The following TLCD4 variants were observed in gnomAD, a reference collection of about 807,000 sequenced individuals.
The protein encoded by TLCD4 is TLC domain-containing protein 4.
A neutral mutation model predicts 24.2 loss-of-function variants in TLCD4; 7 were observed. The ratio of observed to expected loss-of-function variants is 0.29; its 90% CI spans 0.16 to 0.54. TLCD4 has a LOEUF of 0.54. Ranked by LOEUF, TLCD4 falls within the 20% of genes least tolerant of loss-of-function variation. The probability of loss-of-function intolerance (pLI) is 0.95; values close to 1 mark genes in which losing one functional copy is unlikely to be tolerated. For missense variants in TLCD4, 259 were observed against 313.9 expected (o/e 0.82, Z 1.32); for synonymous variants, 103 against 106.4 (o/e 0.97, Z 0.20).
Position 95,150,276 on chromosome 1 carries a change from A to T in TLCD4, c.304+10A>T. ...GGCTACCTCATTTCTGGTATGTGAG[A>T]TGTTGTTTTATTGTCTAATTCCTTG... On this transcript the variant is annotated intron_variant, in intron 4 of 6. Transcript: ENST00000370203. The T allele has an allele frequency of 6.2e-7, 1 of 1,609,212 alleles. No homozygotes were observed.
At chr1:95,186,187 C>T (rs757749743) in intron 6 of TLCD4, among the ~76,000 whole-genome samples, 1 of 152,132 alleles carries the variant, frequency 6.6e-6, no homozygotes, top group Non-Finnish European at 1.5e-5. Context: ...GAGGTACTAT[C>T]ATTTATCCCC....
intron 5 of TLCD4, among the ~76,000 whole-genome samples, chr1:95,172,072 C>G (rs1678249538): frequency 6.6e-6 from 1 of 152,178 alleles, no homozygotes; most frequent in Admixed American, 6.5e-5. Flanking sequence ...CAGATTCTTC[C>G]CTAGTTGCCT....
intron 1 of TLCD4, among the ~76,000 whole-genome samples, chr1:95,137,557 G>T: frequency 6.6e-6 from 1 of 152,132 alleles, no homozygotes; most frequent in Non-Finnish European, 1.5e-5. Context: ...GTGAGTGATC[G>T]TGTTTTGGTG....
the TLCD4 span, among the ~76,000 whole-genome samples, chr1:95,107,030 G>T: frequency 1.3e-5 from 2 of 152,168 alleles, no homozygotes; most frequent in South Asian, 4.1e-4. Context: ...TAACACCATT[G>T]CAGGAATGAT....
chr1:95,120,101 G>A (rs1207550298), intron 1 of TLCD4: 1 of 152,202 alleles, frequency 6.6e-6, no homozygotes, highest in Non-Finnish European at 1.5e-5. Flanking sequence ...CAGTCACCCT[G>A]TTGTGCTTTT....
the TLCD4 span, among the ~76,000 whole-genome samples, chr1:95,109,042 T>G: frequency 8.2e-3 from 1,246 of 152,216 alleles, 9 homozygotes; most frequent in African/African-American, 0.019. Context: ...CATTTAAAAA[T>G]TAGGGGCACG....
At chr1:95,097,366 C>T in the TLCD4 span, among the ~76,000 whole-genome samples, 1 of 152,210 alleles carries the variant, frequency 6.6e-6, no homozygotes, top group East Asian at 1.9e-4. Flanking sequence ...GTTCTCTAGG[C>T]ACACCATCTA....
chr1:95,194,740 T>C lies in TLCD4; in HGVS notation c.*2872T>C, dbSNP rs1250024158. 1 of 152,146 alleles carries C rather than the reference T, an allele frequency of 6.6e-6. No homozygotes were observed. Among genetic ancestry groups the C allele is most frequent in the Non-Finnish European group, 1.5e-5 (1 of 68,002 alleles). 9.4% of individuals were successfully genotyped at this position (152,146 alleles called of 1,614,324 possible). ...AACCAACTAATAGCATGCAAGATCA[T>C]AGATCCTGCATTAAATTTTTATTTG... On this transcript the variant is annotated 3_prime_UTR_variant, in exon 7 of 7. Coordinates refer to ENST00000370203, the MANE Select transcript of TLCD4 (RefSeq NM_152487.3).
chr1:95,154,113 G>A (rs1284695242), intron 5 of TLCD4, among the ~76,000 whole-genome samples: 1 of 152,114 alleles, frequency 6.6e-6, no homozygotes, highest in African/African-American at 2.4e-5. Flanking sequence ...TAATCTTTAA[G>A]GTTCTATTCT....
At chr1:95,178,707 G>T (rs1557696264) in intron 6 of TLCD4, among the ~76,000 whole-genome samples, 1 of 151,584 alleles carries the variant, frequency 6.6e-6, no homozygotes, top group East Asian at 1.9e-4. Flanking sequence ...TTTGGAATCG[G>T]ATAAACTCAA....
Position 95,148,772 on chromosome 1 carries a change from A to T in TLCD4, c.226A>T (p.Thr76Ser), listed in dbSNP as rs1051855671. The change falls in exon 3 of 7, where the codon ACT (threonine) becomes TCT (serine). Residue 76 changes from threonine (T) to serine (S), a missense_variant. Physicochemically the swap from Thr to Ser is moderately conservative, Grantham distance 58. Transcript: ENST00000370203. ...GLYIFLFDEA[T>S]KADPLWGGPS... The stretch of plus-strand genomic sequence containing the variant: ...GTACATTTTCTTATTCGATGAGGCT[A>T]CTAAAGCTGATCCACTTTGGTAAGC... 6 of 1,613,620 alleles carry T rather than the reference A, an allele frequency of 3.7e-6. No homozygotes were observed. Among genetic ancestry groups the T allele is most frequent in the South Asian group, 1.1e-5 (1 of 91,004 alleles).
At chr1:95,132,024 A>G (rs375181783) in intron 1 of TLCD4, among the ~76,000 whole-genome samples, 1 of 152,184 alleles carries the variant, frequency 6.6e-6, no homozygotes, top group African/African-American at 2.4e-5. Flanking sequence ...CTCTTTACAC[A>G]TACCTGCTTC....
rs1387605698 is a variant in TLCD4 at position 95,121,873 on chromosome 1, G to A, written c.-12+4256G>A. 2.0e-5 allele frequency among the ~76,000 whole-genome samples: 3 copies of A among 152,190 alleles called. No individual in the cohort carries two copies. The South Asian group carries it at 6.2e-4, about 32-fold the overall frequency. On this transcript the variant is annotated intron_variant, in intron 1 of 6. Transcript: ENST00000370203. ...TCCAATCATCATTTGTAGCCTTTGG[G>A]GGTCATCTAAACAGCTTCTTGGAGA...
intron 1 of TLCD4, among the ~76,000 whole-genome samples, chr1:95,130,303 C>T (rs1444526671): frequency 2.7e-5 from 4 of 148,778 alleles, no homozygotes; most frequent in African/African-American, 9.8e-5. Context: ...CAGGCACGTG[C>T]CTCCATACCC....
At chr1:95,107,985 G>A in the TLCD4 span, among the ~76,000 whole-genome samples, 1 of 152,122 alleles carries the variant, frequency 6.6e-6, no homozygotes, top group Non-Finnish European at 1.5e-5. Flanking sequence ...ATATGTTTAT[G>A]GGATGAGGTT....
At chr1:95,125,595 A>G (rs1009507518) in intron 1 of TLCD4, 6 of 152,214 alleles carry the variant, frequency 3.9e-5, no homozygotes, top group African/African-American at 1.2e-4. Flanking sequence ...ACAACTCACT[A>G]CCTTCAGACT....
At chr1:95,137,900 C>A (rs1677093165) in intron 1 of TLCD4, among the ~76,000 whole-genome samples, 3 of 152,012 alleles carry the variant, frequency 2.0e-5, no homozygotes, top group African/African-American at 4.8e-5. Context: ...CTACACCCAG[C>A]TAATTTTTCT....
the TLCD4 span, among the ~76,000 whole-genome samples, chr1:95,095,956 C>T: frequency 6.6e-6 from 1 of 152,070 alleles, no homozygotes. Context: ...CGATCAGGAG[C>T]CAAAGGGAAG....
chr1:95,147,023 G>C (rs575304614), intron 2 of TLCD4, among the ~76,000 whole-genome samples: 22 of 151,894 alleles, frequency 1.4e-4, no homozygotes, highest in Admixed American at 3.3e-4. Context: ...GCAATAGAGA[G>C]TGGGCTGTAT....
Sources: allele counts gnomAD v4.1 joint callset (sites outside exome capture counted in the v4.1 genomes callset), GRCh38; gene constraint gnomAD v4.1.1; transcripts MANE v1.5; gene names NCBI Gene and HGNC (gene_info 2026-07-23, HGNC 2026-07-21).